Variants in FAM107B observed in about 807,000 individuals in gnomAD.
FAM107B encodes the protein family with sequence similarity 107 member B.
Under a neutral mutation model 31.5 loss-of-function variants are expected in FAM107B, and 21 were observed. The ratio of observed to expected loss-of-function variants is 0.67; its 90% CI spans 0.47 to 0.96. The LOEUF (loss-of-function observed/expected upper bound fraction) is 0.96, where lower values mean the gene tolerates loss of function less well. FAM107B is among the 40% of genes least tolerant of loss of function. FAM107B has a pLI of 0.00. For missense variants in FAM107B, 452 were observed against 377.1 expected, an observed-to-expected ratio of 1.20 and a Z score of -1.64; for synonymous variants, 157 against 141.5, an observed-to-expected ratio of 1.11 and a Z score of -0.78.
intron 1 of FAM107B, among the ~76,000 whole-genome samples, chr10:14,671,681 G>C (rs1252816925): frequency 6.6e-6 from 1 of 152,084 alleles, no homozygotes; most frequent in Non-Finnish European, 1.5e-5. Context: ...AGGGGTTGCA[G>C]CTGCTACTGT....
At chr10:14,702,520 T>G (rs1197524371) in intron 1 of FAM107B, among the ~76,000 whole-genome samples, 2 of 152,194 alleles carry the variant, frequency 1.3e-5, no homozygotes, top group African/African-American at 4.8e-5. Flanking sequence ...ATACTTTTTT[T>G]GTATTTTTTA....
intron 1 of FAM107B, among the ~76,000 whole-genome samples, chr10:14,731,650 G>T (rs1050368278): frequency 2.6e-5 from 4 of 152,128 alleles, no homozygotes; most frequent in Non-Finnish European, 5.9e-5. Context: ...AATGATGTTT[G>T]GGTCAACAAC....
intron 2 of FAM107B, among the ~76,000 whole-genome samples, chr10:14,618,640 C>A (rs1039162803): frequency 3.9e-5 from 6 of 152,134 alleles, no homozygotes; most frequent in Admixed American, 3.3e-4. Flanking sequence ...AGTTCAAGAC[C>A]AGCCTGGCCA....
At chr10:14,635,014 C>T (rs985797992) in intron 2 of FAM107B, among the ~76,000 whole-genome samples, 8 of 151,418 alleles carry the variant, frequency 5.3e-5, no homozygotes, top group Admixed American at 1.3e-4. Flanking sequence ...GCTTGAACCC[C>T]GGAGGCGGAG....
intron 2 of FAM107B, among the ~76,000 whole-genome samples, chr10:14,576,114 T>G (rs6602743): frequency 0.64 from 97,800 of 152,114 alleles, 31,937 homozygotes; most frequent in East Asian, 0.8. Flanking sequence ...TGTATTATGG[T>G]TACCGAGTTT....
At chr10:14,769,276 T>A (rs1263503896) in intron 1 of FAM107B, among the ~76,000 whole-genome samples, 1 of 152,206 alleles carries the variant, frequency 6.6e-6, no homozygotes, top group Non-Finnish European at 1.5e-5. Context: ...GATGGCTTGG[T>A]TACCACTTCT....
At chr10:14,729,278 T>C (rs1856108684) in intron 1 of FAM107B, among the ~76,000 whole-genome samples, 2 of 152,146 alleles carry the variant, frequency 1.3e-5, no homozygotes, top group Admixed American at 1.3e-4. Flanking sequence ...GGATTACAAA[T>C]GCAAGCTACC....
At chr10:14,590,763 C>T (rs900482014) in intron 2 of FAM107B, among the ~76,000 whole-genome samples, 1 of 151,708 alleles carries the variant, frequency 6.6e-6, no homozygotes, top group Non-Finnish European at 1.5e-5. Flanking sequence ...AGGCGGATCA[C>T]CCAAGGTCAG....
chr10:14,667,950 C>G (rs1449288455), intron 1 of FAM107B, among the ~76,000 whole-genome samples: 1 of 152,112 alleles, frequency 6.6e-6, no homozygotes, highest in Non-Finnish European at 1.5e-5. Context: ...GCATGTTGTC[C>G]CTGGAGTGGT....
Position 14,594,897 on chromosome 10 carries a change from A to G in FAM107B, c.470-64382T>C, listed in dbSNP as rs530942443. Among the ~76,000 whole-genome samples the G allele has an allele frequency of 3.9e-5, 6 of 152,306 alleles. No individual in the cohort carries two copies. The East Asian group carries it at 9.6e-4, about 24-fold the overall frequency. Reference sequence around the variant, plus strand: ...CATCTCAGTGGACCTTTTTCTCATCAGCACAGGGTATCTCTTATGATAGAT... The same window carrying G: ...CATCTCAGTGGACCTTTTTCTCATCGGCACAGGGTATCTCTTATGATAGAT... On this transcript the variant is annotated intron_variant, in intron 2 of 4. Transcript: ENST00000181796.
chr10:14,626,569 G>T (rs1853170311), intron 2 of FAM107B, among the ~76,000 whole-genome samples: 1 of 147,942 alleles, frequency 6.8e-6, no homozygotes, highest in Non-Finnish European at 1.5e-5. Flanking sequence ...AGTGGCGTGA[G>T]CTCGACTCAC....
intron 2 of FAM107B, among the ~76,000 whole-genome samples, chr10:14,612,715 C>T (rs1233856890): frequency 6.6e-6 from 1 of 152,140 alleles, no homozygotes; most frequent in African/African-American, 2.4e-5. Context: ...TTGTCTTTGA[C>T]AGACCAAAGA....
intron 1 of FAM107B, among the ~76,000 whole-genome samples, chr10:14,738,870 C>T (rs767347540): frequency 3.9e-5 from 6 of 152,304 alleles, no homozygotes; most frequent in Middle Eastern, 3.4e-3. Flanking sequence ...CCCAAACCAG[C>T]AGTTTAAGGC....
chr10:14,770,541 A>ATAAAAG (rs1833278353), intron 1 of FAM107B, among the ~76,000 whole-genome samples: 1 of 152,110 alleles, frequency 6.6e-6, no homozygotes. Flanking sequence ...AAAAATAAAA[A>ATAAAAG]TAAAATAAAA....
At chr10:14,654,890 A>G (rs899894817) in intron 2 of FAM107B, among the ~76,000 whole-genome samples, 2 of 152,176 alleles carry the variant, frequency 1.3e-5, no homozygotes, top group Admixed American at 6.5e-5. Flanking sequence ...CAGAAAAGGA[A>G]TTTTAAGAAG....
intron 1 of FAM107B, among the ~76,000 whole-genome samples, chr10:14,684,142 C>A (rs1351228906): frequency 6.6e-6 from 1 of 152,132 alleles, no homozygotes; most frequent in East Asian, 1.9e-4. Context: ...AAGGGGCTCC[C>A]TGGGGTCTCT....
chr10:14,540,855 C>G (rs1309649144), intron 2 of FAM107B, among the ~76,000 whole-genome samples: 1 of 152,126 alleles, frequency 6.6e-6, no homozygotes, highest in African/African-American at 2.4e-5. Flanking sequence ...CAGACACTGC[C>G]CAGGTGCTGG....
chr10:14,623,237 C>T (rs951269239), intron 2 of FAM107B, among the ~76,000 whole-genome samples: 6 of 152,130 alleles, frequency 3.9e-5, no homozygotes, highest in Non-Finnish European at 5.9e-5. Context: ...ATAAGGCAAA[C>T]GCACCTTATT....
intron 1 of FAM107B, among the ~76,000 whole-genome samples, chr10:14,701,490 C>T (rs1323095931): frequency 1.3e-5 from 2 of 152,124 alleles, no homozygotes; most frequent in African/African-American, 4.8e-5. Flanking sequence ...GGTGATCCTC[C>T]CACCTCGGCC....
Sources: gnomAD v4.1 joint callset for allele counts (sites outside exome capture counted in the v4.1 genomes callset) on GRCh38, gnomAD v4.1.1 for gene constraint, MANE v1.5 for transcripts, NCBI Gene and HGNC (gene_info 2026-07-23, HGNC 2026-07-21) for gene names.